The following BACH2 variants were observed in gnomAD, a reference collection of about 807,000 sequenced individuals.
BACH2 encodes the protein transcription regulator protein BACH2.
BACH2 carries 5 observed loss-of-function variants against 61.8 expected under a neutral mutation model. The observed-to-expected ratio is 0.08, with a 90% CI of 0.04 to 0.17. BACH2 has a LOEUF of 0.17. Among genes scored for constraint, BACH2 ranks in the 10% least tolerant of loss-of-function variants. The pLI, the probability that BACH2 is intolerant of heterozygous loss-of-function variation, is 1.00. For missense variants in BACH2, 824 were observed against 1,091.1 expected (o/e 0.76, Z 3.45); for synonymous variants, 446 against 440.1 (o/e 1.01, Z -0.17).
At chr6:90,146,076 AAG>A (rs575055275) in intron 4 of BACH2, among the ~76,000 whole-genome samples, 6 of 152,274 alleles carry the variant, frequency 3.9e-5, no homozygotes, top group Non-Finnish European at 4.4e-5. Flanking sequence ...TGTGCACAGA[AAG>A]AGAATTCTGA....
chr6:90,062,214 G>A (rs1472444347), intron 5 of BACH2, among the ~76,000 whole-genome samples: 3 of 152,182 alleles, frequency 2.0e-5, no homozygotes, highest in Non-Finnish European at 4.4e-5. Context: ...AGAAGGGCTA[G>A]GACACCTATA....
At chr6:90,090,295 G>A (rs540296215) in intron 4 of BACH2, among the ~76,000 whole-genome samples, 10 of 151,894 alleles carry the variant, frequency 6.6e-5, no homozygotes, top group African/African-American at 2.2e-4. Context: ...ACACTTTAGG[G>A]GATATTTCTG....
At position 90,244,572 on chromosome 6, in the gene BACH2, T is replaced by C. The variant is rs143538332; in HGVS notation, c.-275+7941A>G. 7.2e-5 allele frequency among the ~76,000 whole-genome samples: 11 copies of C among 152,306 alleles called. No individual in the cohort carries two copies. The East Asian group carries it at 1.2e-3, about 16-fold the overall frequency. ...CTTCTGGGGTCTCCATTTGGGTATA[T>C]TGCTCACCTGACAGCAACCACCCCC... On this transcript the variant is annotated intron_variant, in intron 3 of 8. Transcript: ENST00000257749.
intron 2 of BACH2, among the ~76,000 whole-genome samples, chr6:90,257,314 A>G (rs190375018): frequency 6.6e-5 from 10 of 152,338 alleles, no homozygotes; most frequent in Middle Eastern, 3.4e-3. Context: ...AACGTTTTCC[A>G]TAACGGCTAT....
At chr6:90,192,305 C>CT (rs370512757) in intron 4 of BACH2, among the ~76,000 whole-genome samples, 4,235 of 143,466 alleles carry the variant, frequency 0.03, 177 homozygotes, top group African/African-American at 0.099. Flanking sequence ...TTCTCGATTC[C>CT]TTTTTTTTTT....
intron 2 of BACH2, among the ~76,000 whole-genome samples, chr6:90,256,985 T>C (rs1771000249): frequency 6.6e-6 from 1 of 152,240 alleles, no homozygotes. Flanking sequence ...TGTCTTTCTT[T>C]GGCGTATTTC....
intron 3 of BACH2, among the ~76,000 whole-genome samples, chr6:90,226,739 G>C (rs1437665290): frequency 1.3e-5 from 2 of 151,910 alleles, no homozygotes; most frequent in Non-Finnish European, 2.9e-5. Flanking sequence ...TGTCATCCAG[G>C]CTGGAGGGCA....
intron 4 of BACH2, among the ~76,000 whole-genome samples, chr6:90,158,785 A>G (rs1178245679): frequency 6.6e-6 from 1 of 150,652 alleles, no homozygotes; most frequent in Non-Finnish European, 1.5e-5. Context: ...GCACTTACTC[A>G]CATAGCAAGA....
chr6:90,051,122 A>G (rs113590112), intron 5 of BACH2, among the ~76,000 whole-genome samples: 3,652 of 152,246 alleles, frequency 0.024, 53 homozygotes, highest in Non-Finnish European at 0.034. Flanking sequence ...AATTGACCTG[A>G]GCATATTAAA....
At chr6:89,981,509 T>C (rs1325675645) in intron 6 of BACH2, among the ~76,000 whole-genome samples, 1 of 152,216 alleles carries the variant, frequency 6.6e-6, no homozygotes, top group East Asian at 1.9e-4. Flanking sequence ...GGGAATATAA[T>C]GACAAAAACT....
At chr6:90,119,756 C>T (rs185254054) in intron 4 of BACH2, among the ~76,000 whole-genome samples, 109 of 152,178 alleles carry the variant, frequency 7.2e-4, no homozygotes, top group African/African-American at 2.5e-3. Flanking sequence ...TTCTTAGTTA[C>T]TAGTAAAAAC....
At chr6:90,139,670 G>A (rs766722464) in intron 4 of BACH2, among the ~76,000 whole-genome samples, 5 of 152,172 alleles carry the variant, frequency 3.3e-5, no homozygotes, top group Admixed American at 2.0e-4. Context: ...GAATGAACAC[G>A]GTAAGCGTGA....
At chr6:90,087,803 C>A (rs1782000438) in intron 5 of BACH2, among the ~76,000 whole-genome samples, 1 of 151,860 alleles carries the variant, frequency 6.6e-6, no homozygotes. Context: ...TGTTTTGATA[C>A]AGGCATGCAA....
intron 6 of BACH2, among the ~76,000 whole-genome samples, chr6:89,997,005 GCACACACA>G (rs60037899): frequency 2.0e-5 from 3 of 149,620 alleles, no homozygotes; most frequent in Admixed American, 6.7e-5. Context: ...ATGCACACGG[GCACACACA>G]CACACACACA....
chr6:89,973,700 G>A (rs1270162313), intron 6 of BACH2, among the ~76,000 whole-genome samples: 1 of 151,722 alleles, frequency 6.6e-6, no homozygotes, highest in African/African-American at 2.4e-5. Flanking sequence ...CTGCTATACC[G>A]GGTTATAAAA....
intron 4 of BACH2, among the ~76,000 whole-genome samples, chr6:90,094,219 T>C (rs1782291450): frequency 6.6e-6 from 1 of 152,212 alleles, no homozygotes; most frequent in Non-Finnish European, 1.5e-5. Context: ...ACCAATTAGT[T>C]GTGAAATGAT....
rs184242414 is a variant in BACH2 at position 90,230,342 on chromosome 6, T to A, written c.-275+22171A>T. 9.2e-5 allele frequency among the ~76,000 whole-genome samples: 14 copies of A among 152,352 alleles called. No individual in the cohort carries two copies. The East Asian group carries it at 2.7e-3, about 29-fold the overall frequency. On this transcript the variant is annotated intron_variant, in intron 3 of 8. Coordinates refer to ENST00000257749, the MANE Select transcript of BACH2 (RefSeq NM_021813.4). ...CACCTGGTACATAGCAAATGTTCAA[T>A]TTTAATCACATGCATCATACCTATA... is the stretch of plus-strand genomic sequence containing the variant.
chr6:90,033,022 CA>C, intron 5 of BACH2, among the ~76,000 whole-genome samples: 1 of 152,098 alleles, frequency 6.6e-6, no homozygotes, highest in East Asian at 1.9e-4. Context: ...GAATACTATG[CA>C]GCCATAAAAA....
Position 89,942,730 on chromosome 6 carries a change from G to A in BACH2, c.1837-4380C>T, listed in dbSNP as rs77089199. Among the ~76,000 whole-genome samples, 1,392 of 152,300 alleles carry A rather than the reference G, an allele frequency of 9.1e-3. 19 individuals are homozygous for A. Among genetic ancestry groups the A allele is most frequent in the African/African-American group, 0.031 (1,306 of 41,556 alleles). On this transcript the variant is annotated intron_variant, in intron 7 of 8. Coordinates refer to ENST00000257749, the MANE Select transcript of BACH2 (RefSeq NM_021813.4). ...GGGGTCTACCACTTTGGTTCTCAGTGGAGAATCGGAGAATCAGGGCAGCCA... is the reference window on the plus strand; with the variant it reads ...GGGGTCTACCACTTTGGTTCTCAGTAGAGAATCGGAGAATCAGGGCAGCCA...
Sources: gnomAD v4.1 joint callset for allele counts (sites outside exome capture counted in the v4.1 genomes callset) on GRCh38, gnomAD v4.1.1 for gene constraint, MANE v1.5 for transcripts, NCBI Gene and HGNC (gene_info 2026-07-23, HGNC 2026-07-21) for gene names.